The following NAALADL2 variants were observed in gnomAD, a reference collection of about 807,000 sequenced individuals.
NAALADL2 encodes inactive N-acetylated-alpha-linked acidic dipeptidase-like protein 2.
NAALADL2 carries 76 observed loss-of-function variants against 87.2 expected under a neutral mutation model. That is an observed-to-expected ratio of 0.87 (90% CI 0.72 to 1.05). The LOEUF is 1.05. NAALADL2 is among the 50% of genes least tolerant of loss of function. The pLI is 0.00. For synonymous variants in NAALADL2, 354 were observed against 331.0 expected (o/e 1.07, Z -0.75); for missense variants, 1,089 against 945.8 (o/e 1.15, Z -1.99).
chr3:174,693,523 G>A (rs972145926), intron 2 of NAALADL2, among the ~76,000 whole-genome samples: 3 of 151,848 alleles, frequency 2.0e-5, no homozygotes, highest in Admixed American at 6.6e-5. Context: ...GTTTCTTCCC[G>A]GCAAAAAATA....
chr3:174,592,023 A>T (rs2108587840), intron 2 of NAALADL2, among the ~76,000 whole-genome samples: 1 of 152,210 alleles, frequency 6.6e-6, no homozygotes, highest in South Asian at 2.1e-4. Flanking sequence ...AGGCTTAAGA[A>T]GTGTCATACG....
chr3:174,949,449 A>T (rs1421458101), intron 1 of NAALADL2, among the ~76,000 whole-genome samples: 1 of 152,170 alleles, frequency 6.6e-6, no homozygotes, highest in Non-Finnish European at 1.5e-5. Flanking sequence ...AAAGTCACAC[A>T]GTGTAATGGG....
At chr3:175,343,520 C>G (rs2148847126) in intron 5 of NAALADL2, among the ~76,000 whole-genome samples, 1 of 152,054 alleles carries the variant, frequency 6.6e-6, no homozygotes, top group East Asian at 1.9e-4. Context: ...GGAAATTAAG[C>G]AAGGACACTT....
intron 2 of NAALADL2, among the ~76,000 whole-genome samples, chr3:174,629,156 T>C (rs1367407720): frequency 3.3e-5 from 5 of 152,156 alleles, no homozygotes; most frequent in African/African-American, 4.8e-5. Flanking sequence ...GCAATTACAT[T>C]ATTTAGGGGC....
intron 2 of NAALADL2, among the ~76,000 whole-genome samples, chr3:174,585,480 T>A (rs550642097): frequency 6.6e-6 from 1 of 152,296 alleles, no homozygotes; most frequent in South Asian, 2.1e-4. Context: ...TTCTACCCTG[T>A]AAGATATCAA....
chr3:175,093,282 A>G (rs1720485490), intron 1 of NAALADL2, among the ~76,000 whole-genome samples: 2 of 151,532 alleles, frequency 1.3e-5, no homozygotes, highest in Non-Finnish European at 3.0e-5. Flanking sequence ...TTTGTCTCAC[A>G]GGGCAGAGGT....
intron 13 of NAALADL2, among the ~76,000 whole-genome samples, chr3:175,782,762 G>A (rs1339628332): frequency 6.6e-4 from 94 of 143,260 alleles, no homozygotes; most frequent in Middle Eastern, 7.0e-3. Flanking sequence ...TTGGTGTTTT[G>A]GACATGAAGT....
At chr3:175,629,375 AAT>A (rs112350530) in intron 11 of NAALADL2, among the ~76,000 whole-genome samples, 39,871 of 147,770 alleles carry the variant, frequency 0.27, 6,317 homozygotes, top group African/African-American at 0.45. Context: ...TATATATATG[AAT>A]ATATATATAT....
chr3:174,903,859 C>T (rs1486945155), intron 1 of NAALADL2, among the ~76,000 whole-genome samples: 1 of 151,714 alleles, frequency 6.6e-6, no homozygotes, highest in African/African-American at 2.4e-5. Context: ...ATCATCATCA[C>T]CTATAAATGT....
rs78590516 is a variant in NAALADL2 at position 175,707,135 on chromosome 3, A to T, written c.1897-30171A>T. On this transcript the variant is annotated intron_variant, in intron 11 of 13. Coordinates refer to ENST00000454872, the MANE Select transcript of NAALADL2 (RefSeq NM_207015.3). Reference sequence around the variant, plus strand: ...ATAGTGTAAATTATAAGCATAGTTTATTAAACATGTGCAGATGTTGTTCTG... The same window carrying T: ...ATAGTGTAAATTATAAGCATAGTTTTTTAAACATGTGCAGATGTTGTTCTG... Among the ~76,000 whole-genome samples the T allele has an allele frequency of 3.9e-3, 587 of 152,184 alleles. 3 individuals carry two copies. The highest frequency in any genetic ancestry group is 0.014 in the African/African-American group (562 of 41,540).
intron 11 of NAALADL2, chr3:175,718,418 A>T (rs1383795421): frequency 6.3e-7 from 1 of 1,589,486 alleles, no homozygotes; most frequent in Non-Finnish European, 8.6e-7. Context: ...TTTTGTTACA[A>T]ATCTTAAAAA....
intron 1 of NAALADL2, among the ~76,000 whole-genome samples, chr3:174,926,226 A>G (rs1318426773): frequency 6.6e-6 from 1 of 152,196 alleles, no homozygotes; most frequent in Non-Finnish European, 1.5e-5. Context: ...CCAAATCTAC[A>G]TCTGATTGGT....
At chr3:174,925,444 A>G (rs1355001627) in intron 1 of NAALADL2, among the ~76,000 whole-genome samples, 3 of 152,188 alleles carry the variant, frequency 2.0e-5, no homozygotes, top group Admixed American at 6.5e-5. Flanking sequence ...CTGTTTTGGT[A>G]CCAGTACCAT....
At chr3:174,766,892 C>T (rs1015782479) in intron 3 of NAALADL2, among the ~76,000 whole-genome samples, 2 of 152,176 alleles carry the variant, frequency 1.3e-5, no homozygotes, top group African/African-American at 4.8e-5. Context: ...AATTTCTTTA[C>T]TATCTGCGGA....
rs10663163 is a variant in NAALADL2, at chr3:175,628,609, C to CTATGTGTATATATATATA, written c.1896+1224_1896+1225insATGTGTATATATATATAT. On this transcript the variant is annotated intron_variant, in intron 11 of 13. Transcript: ENST00000454872. The stretch of plus-strand genomic sequence containing the variant: ...TTTTAGTACCATTAAAATAATCTCT[C>CTATGTGTATATATATATA]TCTCTATGTATATATATATATATAT... Among the ~76,000 whole-genome samples, 188 of 132,210 alleles carry CTATGTGTATATATATATA rather than the reference C, an allele frequency of 1.4e-3. 2 individuals are homozygous for CTATGTGTATATATATATA. The highest frequency in any genetic ancestry group is 0.012 in the Middle Eastern group (3 of 244). The allele number at this position is 132,210 out of a possible 152,430, so 86.7% of individuals were successfully genotyped here.
intron 2 of NAALADL2, among the ~76,000 whole-genome samples, chr3:174,624,243 A>G (rs1721328973): frequency 6.6e-6 from 1 of 152,188 alleles, no homozygotes; most frequent in Non-Finnish European, 1.5e-5. Context: ...ACCATTTTAG[A>G]ATTATAATAT....
chr3:175,447,386 T>C lies in NAALADL2; in HGVS notation c.1234+14T>C, dbSNP rs1253859369. Reference sequence around the variant, plus strand: ...TTCCAAATAATGGTAAAGTATTTAATGTCGTTCTCTGTATTTTACAGTTTT... The same window carrying C: ...TTCCAAATAATGGTAAAGTATTTAACGTCGTTCTCTGTATTTTACAGTTTT... On this transcript the variant is annotated intron_variant, in intron 6 of 13. Transcript: ENST00000454872. 6.6e-7 allele frequency: 1 copy of C among 1,522,206 alleles called. No individual in the cohort carries two copies. Among genetic ancestry groups the C allele is most frequent in the Non-Finnish European group, 8.8e-7 (1 of 1,133,914 alleles). The allele number at this position is 1,522,206 out of a possible 1,614,324, so 94.3% of individuals were successfully genotyped here.
In NAALADL2 at chr3:175,226,850, TTTAATC is replaced by T. The variant is rs769631215; in HGVS notation, c.546-7075_546-7070del. Among the ~76,000 whole-genome samples, 3 of 152,098 alleles carry T rather than the reference TTTAATC, an allele frequency of 2.0e-5. 1 individual carries two copies. The highest frequency in any genetic ancestry group is 1.3e-4 in the Admixed American group (2 of 15,240). ...ATGTTTATTACAGTTTATCATGTGTTTTAATCTTAATATTTTCAAAGCAAAATTATG... is the reference window on the plus strand; with the variant it reads ...ATGTTTATTACAGTTTATCATGTGTTTTAATATTTTCAAAGCAAAATTATG... On this transcript the variant is annotated intron_variant, in intron 2 of 13. Transcript: ENST00000454872.
intron 5 of NAALADL2, among the ~76,000 whole-genome samples, chr3:175,348,332 A>G (rs995367407): frequency 6.6e-6 from 1 of 152,130 alleles, no homozygotes; most frequent in Non-Finnish European, 1.5e-5. Context: ...GGTTAGTTCT[A>G]TACATAAAAT....
Sources: gnomAD v4.1 joint callset for allele counts (sites outside exome capture counted in the v4.1 genomes callset) on GRCh38, gnomAD v4.1.1 for gene constraint, MANE v1.5 for transcripts, NCBI Gene and HGNC (gene_info 2026-07-23, HGNC 2026-07-21) for gene names.